FAM78B: variants seen among roughly 807,000 people sequenced by gnomAD.
The protein encoded by FAM78B is protein FAM78B.
Under a neutral mutation model 20.0 loss-of-function variants are expected in FAM78B, and 10 were observed. The observed-to-expected ratio is 0.50, with a 90% CI of 0.31 to 0.85. FAM78B has a LOEUF of 0.85. Among genes scored for constraint, FAM78B ranks in the 40% least tolerant of loss-of-function variants. The pLI, the probability that FAM78B is intolerant of heterozygous loss-of-function variation, is 0.05. For synonymous variants in FAM78B, 135 were observed against 132.8 expected, an observed-to-expected ratio of 1.02 and a Z score of -0.12; for missense variants, 283 against 345.0, an observed-to-expected ratio of 0.82 and a Z score of 1.42.
At chr1:166,135,285 G>A (rs1004709217) in intron 1 of FAM78B, among the ~76,000 whole-genome samples, 1 of 152,218 alleles carries the variant, frequency 6.6e-6, no homozygotes, top group African/African-American at 2.4e-5. Context: ...TAACAGCAAT[G>A]ACATCTTGAA....
At chr1:166,101,081 G>C (rs546658068) in intron 1 of FAM78B, among the ~76,000 whole-genome samples, 3 of 152,358 alleles carry the variant, frequency 2.0e-5, no homozygotes, top group African/African-American at 7.2e-5. Context: ...CAGGCAAACA[G>C]GGTCTGGAGT....
intron 1 of FAM78B, among the ~76,000 whole-genome samples, chr1:166,165,476 T>C (rs1468609204): frequency 6.6e-6 from 1 of 151,868 alleles, no homozygotes; most frequent in Admixed American, 6.5e-5. Context: ...ACTTCAACAG[T>C]CGCGAGGGCA....
intron 1 of FAM78B, among the ~76,000 whole-genome samples, chr1:166,084,183 G>A (rs1320130578): frequency 2.2e-5 from 3 of 136,848 alleles, no homozygotes; most frequent in Admixed American, 7.4e-5. Flanking sequence ...AGACTTTGTG[G>A]ATAACACAGA....
chr1:166,142,985 A>G (rs575381432), intron 1 of FAM78B, among the ~76,000 whole-genome samples: 1 of 152,280 alleles, frequency 6.6e-6, no homozygotes, highest in African/African-American at 2.4e-5. Flanking sequence ...CATAGAGCCC[A>G]GTGGTTATGA....
At chr1:166,142,045 GCTC>G (rs1389443874) in intron 1 of FAM78B, among the ~76,000 whole-genome samples, 1 of 152,212 alleles carries the variant, frequency 6.6e-6, no homozygotes, top group Admixed American at 6.5e-5. Flanking sequence ...CCTGAGCACA[GCTC>G]CTCAATGATC....
chr1:166,147,291 T>G lies in FAM78B; in HGVS notation c.263+18695A>C, dbSNP rs1655497693. ...GCCTCTCTTACTGGCCTGCTGTGGTTTCAGAGACAAAAAGCAGGCAATGCC... is the reference window on the plus strand; with the variant it reads ...GCCTCTCTTACTGGCCTGCTGTGGTGTCAGAGACAAAAAGCAGGCAATGCC... On this transcript the variant is annotated intron_variant, in intron 1 of 1. Transcript: ENST00000354422. Among the ~76,000 whole-genome samples the G allele has an allele frequency of 1.3e-5, 2 of 152,148 alleles. 1 individual carries two copies. Among genetic ancestry groups the G allele is most frequent in the South Asian group, 4.1e-4 (2 of 4,830 alleles).
intron 1 of FAM78B, among the ~76,000 whole-genome samples, chr1:166,144,499 A>G (rs1443414374): frequency 6.6e-6 from 1 of 152,186 alleles, no homozygotes; most frequent in Non-Finnish European, 1.5e-5. Context: ...CTCAACTCTG[A>G]TCTGTCTCTG....
intron 1 of FAM78B, among the ~76,000 whole-genome samples, chr1:166,158,488 G>C (rs2101804551): frequency 6.6e-6 from 1 of 152,310 alleles, no homozygotes; most frequent in South Asian, 2.1e-4. Context: ...CACTGGGTAA[G>C]ATTTCAATGA....
intron 1 of FAM78B, among the ~76,000 whole-genome samples, chr1:166,112,248 G>A (rs911156839): frequency 1.3e-5 from 2 of 152,174 alleles, no homozygotes; most frequent in South Asian, 2.1e-4. Context: ...CTGGTCCTTG[G>A]ATTGACAGAC....
At chr1:166,091,508 T>C (rs1330819453) in intron 1 of FAM78B, among the ~76,000 whole-genome samples, 1 of 152,180 alleles carries the variant, frequency 6.6e-6, no homozygotes, top group Non-Finnish European at 1.5e-5. Flanking sequence ...TCCACCATGA[T>C]TGTGAAGCCT....
intron 1 of FAM78B, among the ~76,000 whole-genome samples, chr1:166,149,403 C>T (rs898122712): frequency 1.3e-5 from 2 of 152,306 alleles, no homozygotes; most frequent in South Asian, 2.1e-4. Flanking sequence ...TGTCTTCTCA[C>T]CTGTAAAGTC....
At chr1:166,068,842 C>T (rs1484413999), downstream of FAM78B, among the ~76,000 whole-genome samples, 2 of 152,188 alleles carry the variant, frequency 1.3e-5, no homozygotes, top group African/African-American at 4.8e-5. Flanking sequence ...GGGAAAAGCT[C>T]TTTTTTTGAG....
exon 3 of FAM78B, chr1:166,060,519 G>T: frequency 2.0e-6 from 2 of 1,008,828 alleles, no homozygotes; most frequent in South Asian, 1.3e-5. Flanking sequence ...AAGGCGAGGA[G>T]GTAGGCAGGA....
chr1:166,077,010 A>C (rs1557890309), intron 1 of FAM78B, among the ~76,000 whole-genome samples: 1 of 152,222 alleles, frequency 6.6e-6, no homozygotes, highest in East Asian at 1.9e-4. Context: ...GCCAGCAAAA[A>C]AGGAGAACTA....
chr1:166,125,342 G>A (rs1654603804), intron 1 of FAM78B, among the ~76,000 whole-genome samples: 1 of 152,066 alleles, frequency 6.6e-6, no homozygotes. Context: ...GCCTCAATGG[G>A]CCTCGGAGCT....
intron 1 of FAM78B, among the ~76,000 whole-genome samples, chr1:166,105,010 T>G (rs1224864664): frequency 6.6e-6 from 1 of 152,112 alleles, no homozygotes; most frequent in Non-Finnish European, 1.5e-5. Flanking sequence ...AACAGACATA[T>G]AGACCAATGG....
In FAM78B at chr1:166,070,682, G is replaced by A. The variant is rs755579978; in HGVS notation, c.345C>T (p.Tyr115=). The change falls in exon 2 of 2, where the codon TAC becomes TAT. Residue 115 remains tyrosine, a synonymous_variant. Transcript: ENST00000354422. The stretch of plus-strand genomic sequence containing the variant: ...GGGTCACAGTTTCTGTGGTGTTCCC[G>A]TACCAAGGGTAGCTCACCCCATCTG... ...SDSDGVSYPW[Y]GNTTETVTLV... 1.1e-5 allele frequency: 18 copies of A among 1,613,020 alleles called. No individual in the cohort carries two copies. The highest frequency in any genetic ancestry group is 9.9e-5 in the South Asian group (9 of 90,956).
At chr1:166,060,498 G>A (rs893195528) in exon 3 of FAM78B, 17 of 828,638 alleles carry the variant, frequency 2.1e-5, no homozygotes, top group African/African-American at 7.0e-5. Context: ...GACTGGTCAC[G>A]GGACGGGAGG....
chr1:166,145,078 T>C (rs1655409478), intron 1 of FAM78B, among the ~76,000 whole-genome samples: 1 of 152,094 alleles, frequency 6.6e-6, no homozygotes, highest in Non-Finnish European at 1.5e-5. Flanking sequence ...GGTGGGAGGA[T>C]GGGGGAAATG....
Sources: allele counts gnomAD v4.1 joint callset (sites outside exome capture counted in the v4.1 genomes callset), GRCh38; gene constraint gnomAD v4.1.1; transcripts MANE v1.5; gene names NCBI Gene and HGNC (gene_info 2026-07-23, HGNC 2026-07-21).